The following SLC2A9 variants were observed in gnomAD, a reference collection of about 807,000 sequenced individuals.
SLC2A9 encodes solute carrier family 2 member 9.
A neutral mutation model predicts 50.6 loss-of-function variants in SLC2A9; 39 were observed. The observed-to-expected ratio is 0.77, with a 90% CI of 0.60 to 1.01. SLC2A9 has a LOEUF of 1.01. Ranked by LOEUF, SLC2A9 falls within the 50% of genes least tolerant of loss-of-function variation. The pLI, the probability that SLC2A9 is intolerant of heterozygous loss-of-function variation, is 0.00. For synonymous variants in SLC2A9, 324 were observed against 276.9 expected (o/e 1.17, Z -1.69); for missense variants, 686 against 677.6 (o/e 1.01, Z -0.14).
At chr4:9,786,850 G>A (rs1220914744) in intron 3 of SLC2A9, among the ~76,000 whole-genome samples, 1 of 152,198 alleles carries the variant, frequency 6.6e-6, no homozygotes, top group Non-Finnish European at 1.5e-5. Context: ...TCACAACTGG[G>A]TGTCAGGTGC....
downstream of SLC2A9, among the ~76,000 whole-genome samples, chr4:9,794,579 A>T (rs1720361225): frequency 1.3e-5 from 2 of 152,244 alleles, no homozygotes; most frequent in African/African-American, 4.8e-5. Context: ...GACAAGGTGG[A>T]GATTTAAACC....
At chr4:9,904,328 GAAC>G (rs1740226501) in intron 8 of SLC2A9, among the ~76,000 whole-genome samples, 1 of 152,186 alleles carries the variant, frequency 6.6e-6, no homozygotes, top group South Asian at 2.1e-4. Context: ...AGCTTCTAGA[GAAC>G]ATCTGCATTC....
At chr4:9,807,693 C>A (rs529543196) in intron 3 of SLC2A9, among the ~76,000 whole-genome samples, 2 of 152,198 alleles carry the variant, frequency 1.3e-5, no homozygotes, top group African/African-American at 4.8e-5. Context: ...TTGAGATACA[C>A]GGGCCAGGTT....
At chr4:10,022,152 T>A (rs1763553636), upstream of SLC2A9, among the ~76,000 whole-genome samples, 1 of 152,176 alleles carries the variant, frequency 6.6e-6, no homozygotes, top group Admixed American at 6.5e-5. Context: ...TCCTCCACTT[T>A]TTAACTGTGT....
intron 10 of SLC2A9, among the ~76,000 whole-genome samples, chr4:9,871,633 G>C (rs1733452679): frequency 6.6e-6 from 1 of 152,088 alleles, no homozygotes; most frequent in Admixed American, 6.5e-5. Flanking sequence ...GCTTCATCTT[G>C]CGATCCTTAA....
intron 6 of SLC2A9, among the ~76,000 whole-genome samples, chr4:9,926,987 T>C (rs1745016298): frequency 6.6e-6 from 1 of 151,706 alleles, no homozygotes; most frequent in African/African-American, 2.4e-5. Context: ...GACCTTGGAC[T>C]TCTGGCCTCC....
At chr4:9,851,392 G>C (rs1010964514) in intron 10 of SLC2A9, among the ~76,000 whole-genome samples, 2 of 152,126 alleles carry the variant, frequency 1.3e-5, no homozygotes, top group Non-Finnish European at 2.9e-5. Context: ...ACCCTCAAGG[G>C]CATCAAAGAA....
chr4:9,850,886 G>C (rs563624532), intron 10 of SLC2A9, among the ~76,000 whole-genome samples: 1 of 152,198 alleles, frequency 6.6e-6, no homozygotes, highest in East Asian at 1.9e-4. Flanking sequence ...CTGCCAGCAT[G>C]AATGCACAAA....
chr4:10,029,688 C>A (rs1355153681), intron 1 of SLC2A9, among the ~76,000 whole-genome samples: 2 of 151,714 alleles, frequency 1.3e-5, no homozygotes, highest in South Asian at 2.1e-4. Context: ...ACAATCTCAT[C>A]TAACTGCAAC....
rs541848609 is a variant in SLC2A9, at chr4:9,996,865, A to G, written c.326T>C (p.Leu109Pro). 1 of 1,614,208 alleles carries G rather than the reference A, an allele frequency of 6.2e-7. No homozygotes were observed. Among genetic ancestry groups the G allele is most frequent in the South Asian group, 1.1e-5 (1 of 91,078 alleles). ...RPIDPDTLTL[L>P]WSVTVSIFAI... ...GAATATGGACACAGTCACAGACCAG[A>G]GCAAAGTCAGAGTGTCTGGGTCTAT... Residue 109 changes from leucine (L) to proline (P), a missense_variant, in exon 3 of 12, where the codon CTC becomes CCC. Coordinates refer to ENST00000264784, the MANE Select transcript of SLC2A9 (RefSeq NM_020041.3).
At chr4:9,965,505 G>C (rs906541750) in intron 5 of SLC2A9, among the ~76,000 whole-genome samples, 1 of 152,134 alleles carries the variant, frequency 6.6e-6, no homozygotes, top group Non-Finnish European at 1.5e-5. Flanking sequence ...AGCAAACATG[G>C]AATATTAACA....
At chr4:9,801,128 GAA>G (rs34817778) in intron 3 of SLC2A9, among the ~76,000 whole-genome samples, 1 of 145,172 alleles carries the variant, frequency 6.9e-6, no homozygotes, top group African/African-American at 2.5e-5. Context: ...TTGTCAGGAG[GAA>G]AAAAAAAAAG....
chr4:9,967,345 T>G (rs931512337), intron 5 of SLC2A9, among the ~76,000 whole-genome samples: 8 of 152,154 alleles, frequency 5.3e-5, no homozygotes, highest in Non-Finnish European at 1.0e-4. Context: ...GGCCTCTTAA[T>G]ACACACTAAA....
chr4:10,016,612 T>G (rs562312509), intron 2 of SLC2A9, among the ~76,000 whole-genome samples: 1 of 152,228 alleles, frequency 6.6e-6, no homozygotes, highest in East Asian at 1.9e-4. Context: ...TCTCTCTGTT[T>G]GGCTTACCAT....
At chr4:9,786,072 C>T (rs539206510) in intron 3 of SLC2A9, among the ~76,000 whole-genome samples, 1 of 152,202 alleles carries the variant, frequency 6.6e-6, no homozygotes, top group African/African-American at 2.4e-5. Context: ...TTCCTGGTGC[C>T]CTCGGAGGAG....
chr4:9,805,144 T>A (rs570666938), intron 3 of SLC2A9, among the ~76,000 whole-genome samples: 15 of 152,268 alleles, frequency 9.9e-5, no homozygotes, highest in Middle Eastern at 6.8e-3. Flanking sequence ...TGACACACAA[T>A]CCCTGAATCT....
intron 10 of SLC2A9, among the ~76,000 whole-genome samples, chr4:9,883,731 C>G (rs1735650212): frequency 6.6e-6 from 1 of 152,162 alleles, no homozygotes; most frequent in Non-Finnish European, 1.5e-5. Context: ...CCTCCCAGTC[C>G]ACATCTTACA....
At chr4:9,859,976 C>G (rs887817042) in intron 10 of SLC2A9, among the ~76,000 whole-genome samples, 1 of 152,150 alleles carries the variant, frequency 6.6e-6, no homozygotes, top group African/African-American at 2.4e-5. Flanking sequence ...GTGTGGAGAG[C>G]AAAAACCTTC....
chr4:9,837,699 G>A (rs1026815971), intron 10 of SLC2A9, among the ~76,000 whole-genome samples: 1 of 152,210 alleles, frequency 6.6e-6, no homozygotes, highest in Admixed American at 6.5e-5. Context: ...AGTGTTTGCA[G>A]GATTGATGAA....
Sources: allele counts gnomAD v4.1 joint callset (sites outside exome capture counted in the v4.1 genomes callset), GRCh38; gene constraint gnomAD v4.1.1; transcripts MANE v1.5; gene names NCBI Gene and HGNC (gene_info 2026-07-23, HGNC 2026-07-21).